The following MCU variants were observed in gnomAD, a reference collection of about 807,000 sequenced individuals.
MCU encodes mitochondrial calcium uniporter, also known as calcium uniporter protein, mitochondrial.
In MCU, 12 loss-of-function variants were observed where a neutral mutation model predicts 45.2. The observed-to-expected ratio is 0.27, with a 90% CI of 0.17 to 0.43. MCU has a LOEUF of 0.43. Among genes scored for constraint, MCU ranks in the 20% least tolerant of loss-of-function variants. The pLI is 1.00. For synonymous variants in MCU, 160 were observed against 165.1 expected (o/e 0.97, Z 0.24); for missense variants, 324 against 436.7 (o/e 0.74, Z 2.30).
chr10:72,868,567 A>G, intron 4 of MCU, 136 bp from the exon 5 acceptor site: 1 of 710,518 alleles, frequency 1.4e-6, no homozygotes. Context: ...AAAAAAAAAA[A>G]GAGAGCTATT....
At chr10:72,711,145 C>T (rs1842888429) in intron 1 of MCU, among the ~76,000 whole-genome samples, 1 of 150,788 alleles carries the variant, frequency 6.6e-6, no homozygotes, top group African/African-American at 2.4e-5. Context: ...TGCCATTGCA[C>T]TCTACCTGGC....
chr10:72,739,079 G>A (rs991627592), intron 1 of MCU, among the ~76,000 whole-genome samples: 3 of 152,172 alleles, frequency 2.0e-5, no homozygotes, highest in African/African-American at 7.2e-5. Flanking sequence ...TGGTTTAAAT[G>A]TCATGCCACA....
chr10:72,731,649 A>C (rs1385054331), intron 1 of MCU, among the ~76,000 whole-genome samples: 1 of 151,992 alleles, frequency 6.6e-6, no homozygotes, highest in Non-Finnish European at 1.5e-5. Flanking sequence ...GGCCATCACT[A>C]ATCTTTCTTA....
At chr10:72,835,218 C>T (rs1357953362) in intron 2 of MCU, among the ~76,000 whole-genome samples, 3 of 152,194 alleles carry the variant, frequency 2.0e-5, no homozygotes, top group Non-Finnish European at 4.4e-5. Flanking sequence ...TGCAATCCTT[C>T]GTAAATGTCT....
chr10:72,787,276 G>T (rs555104596), intron 1 of MCU, among the ~76,000 whole-genome samples: 1 of 152,096 alleles, frequency 6.6e-6, no homozygotes, highest in Non-Finnish European at 1.5e-5. Context: ...TTTTTGTTTC[G>T]TTTGTTTTTT....
chr10:72,813,575 C>T (rs113363019), intron 1 of MCU, among the ~76,000 whole-genome samples: 7,927 of 149,598 alleles, frequency 0.053, 701 homozygotes, highest in African/African-American at 0.18. Flanking sequence ...TCTCCTGCCT[C>T]AGCCTCCTGA....
At chr10:72,881,315 T>A (rs910181405) in intron 6 of MCU, among the ~76,000 whole-genome samples, 2 of 152,214 alleles carry the variant, frequency 1.3e-5, no homozygotes, top group African/African-American at 4.8e-5. Flanking sequence ...TTATAGCTCC[T>A]ATAAGAGAAT....
intron 1 of MCU, among the ~76,000 whole-genome samples, chr10:72,795,888 C>T (rs1232062277): frequency 6.6e-6 from 1 of 151,954 alleles, no homozygotes; most frequent in East Asian, 1.9e-4. Flanking sequence ...ATCCCGGGTA[C>T]TCTGGAGGCT....
chr10:72,794,997 A>G (rs1266646769), intron 1 of MCU, among the ~76,000 whole-genome samples: 1 of 152,228 alleles, frequency 6.6e-6, no homozygotes, highest in Admixed American at 6.5e-5. Context: ...TTTCAAACCC[A>G]GAAAATCCTA....
intron 1 of MCU, among the ~76,000 whole-genome samples, chr10:72,793,851 G>C (rs752193746): frequency 2.0e-5 from 3 of 152,080 alleles, no homozygotes; most frequent in Non-Finnish European, 2.9e-5. Context: ...CCATATTTAT[G>C]GACAGGCCTA....
chr10:72,726,243 GCACA>G (rs1321730653), intron 1 of MCU, among the ~76,000 whole-genome samples: 6 of 106,656 alleles, frequency 5.6e-5, no homozygotes, highest in Admixed American at 1.8e-4. Context: ...CATACTTCAG[GCACA>G]CACACACACG....
intron 1 of MCU, among the ~76,000 whole-genome samples, chr10:72,759,167 C>T (rs2132720274): frequency 1.3e-5 from 2 of 152,256 alleles, no homozygotes; most frequent in East Asian, 3.9e-4. Flanking sequence ...GGGTTATCGG[C>T]AAGACTCCTG....
chr10:72,743,603 G>A (rs1016533053), intron 1 of MCU, among the ~76,000 whole-genome samples: 5 of 152,012 alleles, frequency 3.3e-5, no homozygotes, highest in African/African-American at 1.2e-4. Flanking sequence ...AAGGTGCTAT[G>A]CAAGTCATGT....
chr10:72,818,395 A>G (rs999545306), intron 1 of MCU, among the ~76,000 whole-genome samples: 14 of 152,206 alleles, frequency 9.2e-5, no homozygotes, highest in South Asian at 2.1e-4. Context: ...CTTGACTTCT[A>G]TGATTTCTGT....
At chr10:72,832,214 G>C (rs141860218) in intron 1 of MCU, among the ~76,000 whole-genome samples, 12 of 152,186 alleles carry the variant, frequency 7.9e-5, no homozygotes, top group Non-Finnish European at 1.5e-4. Flanking sequence ...GATTACCGGC[G>C]TGAACTACCA....
At chr10:72,737,849 G>T (rs1215899433) in intron 1 of MCU, among the ~76,000 whole-genome samples, 3 of 151,928 alleles carry the variant, frequency 2.0e-5, no homozygotes, top group Non-Finnish European at 4.4e-5. Context: ...TCTTACCTTT[G>T]ACTTGAAGTT....
intron 1 of MCU, chr10:72,736,551 T>A (rs560140882): frequency 6.6e-6 from 1 of 152,368 alleles, no homozygotes; most frequent in East Asian, 1.9e-4. Context: ...AGAAGGATTA[T>A]GACCAACACT....
intron 1 of MCU, among the ~76,000 whole-genome samples, chr10:72,833,420 A>G (rs1413246090): frequency 1.3e-5 from 2 of 152,230 alleles, no homozygotes; most frequent in East Asian, 1.9e-4. Flanking sequence ...TTGAAACGAG[A>G]TGGAAATTAA....
At chr10:72,806,214 A>G (rs1388132748) in intron 1 of MCU, among the ~76,000 whole-genome samples, 4 of 148,192 alleles carry the variant, frequency 2.7e-5, no homozygotes, top group Non-Finnish European at 4.4e-5. Flanking sequence ...CTGGAGTGCA[A>G]TGGCACTATC....
Sources: gnomAD v4.1 joint callset for allele counts (sites outside exome capture counted in the v4.1 genomes callset) on GRCh38, gnomAD v4.1.1 for gene constraint, MANE v1.5 for transcripts, NCBI Gene and HGNC (gene_info 2026-07-23, HGNC 2026-07-21) for gene names.